Variants in THRAP3 observed in about 807,000 individuals in gnomAD.
The protein encoded by THRAP3 is thyroid hormone receptor-associated protein 3.
In THRAP3, 16 loss-of-function variants were observed where a neutral mutation model predicts 101.0. The ratio of observed to expected loss-of-function variants is 0.16; its 90% CI spans 0.11 to 0.24. The LOEUF (loss-of-function observed/expected upper bound fraction) is 0.24, where lower values mean the gene tolerates loss of function less well. Among genes scored for constraint, THRAP3 ranks in the 10% least tolerant of loss-of-function variants. The pLI is 1.00. For missense variants in THRAP3, 989 were observed against 1,202.7 expected, an observed-to-expected ratio of 0.82 and a Z score of 2.63; for synonymous variants, 407 against 422.6, an observed-to-expected ratio of 0.96 and a Z score of 0.45.
intron 1 of THRAP3, among the ~76,000 whole-genome samples, chr1:36,253,459 ACTT>A (rs1327601368): frequency 6.6e-6 from 1 of 152,226 alleles, no homozygotes; most frequent in South Asian, 2.1e-4. Context: ...TGGAGATATC[ACTT>A]CTTGTTCAAC....
chr1:36,237,656 A>G (rs1645107137), intron 1 of THRAP3, among the ~76,000 whole-genome samples: 1 of 152,056 alleles, frequency 6.6e-6, no homozygotes, highest in Non-Finnish European at 1.5e-5. Context: ...CTGTAATCCC[A>G]GCTACTTGGG....
In THRAP3 at chr1:36,275,586, C is replaced by CAA. The variant is rs754150358; in HGVS notation, c.-31-6930_-31-6929dup. Among the ~76,000 whole-genome samples, 4 of 13,814 alleles carry CAA rather than the reference C, an allele frequency of 2.9e-4. 1 individual carries two copies. The highest frequency in any genetic ancestry group is 7.8e-3 in the South Asian group (2 of 258). The allele number at this position is 13,814 out of a possible 152,430, so 9.1% of individuals were successfully genotyped here. On this transcript the variant is annotated intron_variant, in intron 2 of 11. Transcript: ENST00000354618. ...TGGGTGACAGAGCAAGACTCTGTCT[C>CAA]AAAAAAAAAAAAAAAAAAGTCTTCT...
At chr1:36,213,408 G>A in the THRAP3 span, among the ~76,000 whole-genome samples, 1 of 152,108 alleles carries the variant, frequency 6.6e-6, no homozygotes, top group Non-Finnish European at 1.5e-5. Context: ...ACATGTAAAG[G>A]CCTAAAACAG....
At chr1:36,216,070 T>A in the THRAP3 span, among the ~76,000 whole-genome samples, 1 of 151,992 alleles carries the variant, frequency 6.6e-6, no homozygotes, top group Non-Finnish European at 1.5e-5. Flanking sequence ...CTTTCTTTTT[T>A]CCCAACCATT....
chr1:36,272,432 TTGGCAG>T (rs1645603641), intron 2 of THRAP3, among the ~76,000 whole-genome samples: 1 of 152,210 alleles, frequency 6.6e-6, no homozygotes, highest in East Asian at 1.9e-4. Context: ...GTATGAGGCC[TTGGCAG>T]AGTGTTACTC....
chr1:36,245,568 C>T (rs1422050788), intron 1 of THRAP3, among the ~76,000 whole-genome samples: 1 of 152,078 alleles, frequency 6.6e-6, no homozygotes, highest in Non-Finnish European at 1.5e-5. Context: ...GGTCTGTTCA[C>T]CTCAAATGTG....
chr1:36,294,668 A>G (rs1029943977), intron 8 of THRAP3, among the ~76,000 whole-genome samples: 2 of 152,196 alleles, frequency 1.3e-5, no homozygotes, highest in Non-Finnish European at 2.9e-5. Flanking sequence ...GAATGTGATG[A>G]GAGGCGCTTC....
At chr1:36,274,135 G>A (rs1020048408) in intron 2 of THRAP3, among the ~76,000 whole-genome samples, 1 of 150,868 alleles carries the variant, frequency 6.6e-6, no homozygotes, top group Non-Finnish European at 1.5e-5. Context: ...TTTCTATACA[G>A]TAGCAATGAA....
intron 1 of THRAP3, among the ~76,000 whole-genome samples, chr1:36,250,556 C>T (rs1177940390): frequency 3.3e-5 from 5 of 152,092 alleles, no homozygotes; most frequent in Non-Finnish European, 7.4e-5. Flanking sequence ...AATTTAGCCA[C>T]GTAATAGTGA....
At chr1:36,301,289 T>G (rs1413675752) in intron 10 of THRAP3, among the ~76,000 whole-genome samples, 1 of 152,230 alleles carries the variant, frequency 6.6e-6, no homozygotes, top group Non-Finnish European at 1.5e-5. Flanking sequence ...AGAAAGCCTC[T>G]TATGGCTTCT....
chr1:36,212,448 T>C, the THRAP3 span, among the ~76,000 whole-genome samples: 1 of 141,798 alleles, frequency 7.1e-6, no homozygotes, highest in East Asian at 2.0e-4. Context: ...TGAGACTGAG[T>C]CTTGCTCTTT....
At chr1:36,213,946 A>AG in the THRAP3 span, among the ~76,000 whole-genome samples, 3 of 125,152 alleles carry the variant, frequency 2.4e-5, no homozygotes, top group South Asian at 2.3e-4. Context: ...AAAGAAAGAA[A>AG]GAAAGAAAGA....
At chr1:36,292,264 C>CTTTTT (rs774003081) in intron 6 of THRAP3, among the ~76,000 whole-genome samples, 48 of 20,544 alleles carry the variant, frequency 2.3e-3, no homozygotes, top group African/African-American at 6.7e-3. Context: ...TTCTTTGTTT[C>CTTTTT]TTTTTTTTTT....
intron 9 of THRAP3, among the ~76,000 whole-genome samples, chr1:36,299,819 AT>A (rs1414559625): frequency 1.3e-5 from 2 of 152,148 alleles, no homozygotes; most frequent in African/African-American, 4.8e-5. Flanking sequence ...AGAGACTCTT[AT>A]TTTTGAAAAC....
At chr1:36,276,634 ATC>A (rs1645664524) in intron 2 of THRAP3, among the ~76,000 whole-genome samples, 1 of 152,100 alleles carries the variant, frequency 6.6e-6, no homozygotes, top group Admixed American at 6.5e-5. Flanking sequence ...AGACAGGCAG[ATC>A]ACCTGAGGTC....
intron 1 of THRAP3, among the ~76,000 whole-genome samples, chr1:36,253,738 C>T (rs138644626): frequency 9.7e-4 from 132 of 136,332 alleles, no homozygotes; most frequent in Admixed American, 4.0e-3. Flanking sequence ...GGACCACAGG[C>T]GTACACCATT....
At position 36,243,451 on chromosome 1, in the gene THRAP3, C is replaced by T. The variant is rs1178515999; in HGVS notation, c.-134-15931C>T. Among the ~76,000 whole-genome samples, 13 of 151,948 alleles carry T rather than the reference C, an allele frequency of 8.6e-5. No individual in the cohort carries two copies. The South Asian group carries it at 1.9e-3, about 22-fold the overall frequency. ...CTGTTTAACAAAGCACATCTTGCAC[C>T]GCCCTTAATCCATTCAACCCTGAGT... is the stretch of plus-strand genomic sequence containing the variant. On this transcript the variant is annotated intron_variant, in intron 1 of 11. Transcript: ENST00000354618.
intron 9 of THRAP3, among the ~76,000 whole-genome samples, chr1:36,300,341 C>T (rs1646016793): frequency 6.6e-6 from 1 of 152,178 alleles, no homozygotes; most frequent in South Asian, 2.1e-4. Flanking sequence ...AGCCTCCTAC[C>T]TGTAAAATGA....
In THRAP3 at chr1:36,304,180, T is replaced by C; in HGVS notation, c.*163T>C. ...CGCGAGAGGCATCCCTGGCGCTGTC[T>C]CCCACTGGACAGAGGAGGCTGGCCA... On this transcript the variant is annotated 3_prime_UTR_variant, in exon 12 of 12. Transcript: ENST00000354618. 2 of 1,146,438 alleles carry C rather than the reference T, an allele frequency of 1.7e-6. No individual in the cohort carries two copies. Among genetic ancestry groups the C allele is most frequent in the Non-Finnish European group, 1.2e-6 (1 of 846,326 alleles). 71.0% of individuals were successfully genotyped at this position (1,146,438 alleles called of 1,614,324 possible).
Sources: allele counts gnomAD v4.1 joint callset (sites outside exome capture counted in the v4.1 genomes callset), GRCh38; gene constraint gnomAD v4.1.1; transcripts MANE v1.5; gene names NCBI Gene and HGNC (gene_info 2026-07-23, HGNC 2026-07-21).